Variants in DACH2 observed in about 807,000 individuals in gnomAD.
The protein encoded by DACH2 is dachshund homolog 2.
In DACH2, 17 loss-of-function variants were observed where a neutral mutation model predicts 35.8. The ratio of observed to expected loss-of-function variants is 0.48; its 90% CI spans 0.33 to 0.71. The LOEUF is 0.71. Ranked by LOEUF, DACH2 falls within the 30% of genes least tolerant of loss-of-function variation. The probability of loss-of-function intolerance (pLI) is 0.02; values close to 1 mark genes in which losing one functional copy is unlikely to be tolerated. For missense variants in DACH2, 469 were observed against 472.7 expected (o/e 0.99, Z 0.07); for synonymous variants, 195 against 177.3 (o/e 1.10, Z -0.79).
At chrX:86,315,518 A>G (rs1275138974) in intron 1 of DACH2, among the ~76,000 whole-genome samples, 1 of 111,472 alleles carries the variant, frequency 9.0e-6, no homozygotes, top group Non-Finnish European at 1.9e-5. Context: ...GCGGCCACAG[A>G]TAGTGATTCA....
At chrX:86,740,168 T>A (rs1338013648) in intron 7 of DACH2, among the ~76,000 whole-genome samples, 1 of 110,586 alleles carries the variant, frequency 9.0e-6, no homozygotes, top group Non-Finnish European at 1.9e-5. Context: ...CTATATGTGA[T>A]ACAATACGCC....
chrX:86,737,560 G>T (rs1219164067), intron 6 of DACH2, among the ~76,000 whole-genome samples: 1 of 111,351 alleles, frequency 9.0e-6, no homozygotes, highest in African/African-American at 3.3e-5. Flanking sequence ...CCGTATTAGT[G>T]TTCTATTGTT....
At chrX:86,491,706 T>A (rs2038095640) in intron 2 of DACH2, among the ~76,000 whole-genome samples, 1 of 111,651 alleles carries the variant, frequency 9.0e-6, no homozygotes, top group Admixed American at 9.6e-5. Context: ...GTTCTCAATG[T>A]TTAAGAAAGA....
At chrX:86,261,573 C>A (rs2033625828) in intron 1 of DACH2, among the ~76,000 whole-genome samples, 1 of 111,254 alleles carries the variant, frequency 9.0e-6, no homozygotes, top group African/African-American at 3.3e-5. Context: ...AAATTCACAG[C>A]AAAAAATGTA....
chrX:86,779,619 A>G (rs1208791250), intron 7 of DACH2, among the ~76,000 whole-genome samples: 5 of 111,525 alleles, frequency 4.5e-5, no homozygotes, highest in African/African-American at 9.8e-5. Flanking sequence ...GGCAGAAACA[A>G]TAGTCAAATT....
chrX:86,717,009 G>C (rs1218243712), intron 6 of DACH2, among the ~76,000 whole-genome samples: 1 of 111,992 alleles, frequency 8.9e-6, no homozygotes, highest in Non-Finnish European at 1.9e-5. Context: ...TTATGCTAAA[G>C]AGAAATGGAT....
intron 5 of DACH2, among the ~76,000 whole-genome samples, chrX:86,710,172 C>T (rs962005152): frequency 8.9e-6 from 1 of 112,199 alleles, no homozygotes; most frequent in African/African-American, 3.2e-5. Context: ...ACTATGGAAA[C>T]ATATTTAGCA....
intron 1 of DACH2, among the ~76,000 whole-genome samples, chrX:86,164,631 C>T (rs778474453): frequency 9.0e-6 from 1 of 111,483 alleles, no homozygotes; most frequent in South Asian, 3.8e-4. Context: ...GGAGGGGGTC[C>T]AGCTTCAGTC....
intron 1 of DACH2, among the ~76,000 whole-genome samples, chrX:86,286,532 A>C (rs1479521339): frequency 9.2e-6 from 1 of 109,237 alleles, no homozygotes; most frequent in Non-Finnish European, 1.9e-5. Context: ...CTCCTCCTTC[A>C]TTTTTTCCCT....
chrX:86,727,353 CA>C (rs1274044420), intron 6 of DACH2, among the ~76,000 whole-genome samples: 3 of 110,784 alleles, frequency 2.7e-5, no homozygotes, highest in Non-Finnish European at 3.8e-5. Flanking sequence ...AAAAAGGGTC[CA>C]AAAAATGTGT....
At chrX:86,242,864 C>T (rs1202288947) in intron 1 of DACH2, among the ~76,000 whole-genome samples, 1 of 111,473 alleles carries the variant, frequency 9.0e-6, no homozygotes, top group East Asian at 2.8e-4. Context: ...TCTCCTGCTC[C>T]ATTTTGGTAA....
chrX:86,813,713 C>A (rs774327476), intron 9 of DACH2, among the ~76,000 whole-genome samples: 85 of 109,649 alleles, frequency 7.8e-4, no homozygotes, highest in Non-Finnish European at 1.2e-3. Flanking sequence ...CCTTGGTCCC[C>A]TGGCCAACTA....
At chrX:86,294,443 C>T (rs1381566631) in intron 1 of DACH2, among the ~76,000 whole-genome samples, 1 of 110,867 alleles carries the variant, frequency 9.0e-6, no homozygotes, top group African/African-American at 3.3e-5. Context: ...CATTATCCAT[C>T]CAGCTTTGTT....
At chrX:86,575,279 A>G (rs1467081625) in intron 3 of DACH2, among the ~76,000 whole-genome samples, 1 of 111,119 alleles carries the variant, frequency 9.0e-6, no homozygotes, top group Non-Finnish European at 1.9e-5. Flanking sequence ...CAAAAAATCG[A>G]TCTGGCTTTC....
chrX:86,597,808 G>C (rs1039396876), intron 3 of DACH2, among the ~76,000 whole-genome samples: 11 of 111,630 alleles, frequency 9.9e-5, no homozygotes, highest in African/African-American at 2.9e-4. Context: ...TTCATTCCTT[G>C]AGGCTTTGCA....
At chrX:86,391,499 G>T (rs1433390959) in intron 2 of DACH2, among the ~76,000 whole-genome samples, 2 of 109,727 alleles carry the variant, frequency 1.8e-5, no homozygotes, top group African/African-American at 3.3e-5. Flanking sequence ...GACATAAGTG[G>T]AATATAACCA....
chrX:86,768,005 T>C (rs912150416), intron 7 of DACH2, among the ~76,000 whole-genome samples: 22 of 111,659 alleles, frequency 2.0e-4, no homozygotes, highest in African/African-American at 6.8e-4. Context: ...GGCTTGTAGA[T>C]GAAATGCCAG....
chrX:86,623,624 G>A (rs187994391), intron 3 of DACH2, among the ~76,000 whole-genome samples: 1 of 111,873 alleles, frequency 8.9e-6, no homozygotes, highest in Admixed American at 9.5e-5. Context: ...TGAGCAATGT[G>A]AAGATACTCC....
At chrX:86,331,278 A>G (rs2035208040) in intron 1 of DACH2, among the ~76,000 whole-genome samples, 1 of 111,053 alleles carries the variant, frequency 9.0e-6, no homozygotes, top group Non-Finnish European at 1.9e-5. Flanking sequence ...CAGTAAATGC[A>G]GGTTCCCATT....
Sources: gnomAD v4.1 joint callset for allele counts (sites outside exome capture counted in the v4.1 genomes callset) on GRCh38, gnomAD v4.1.1 for gene constraint, MANE v1.5 for transcripts, NCBI Gene and HGNC (gene_info 2026-07-23, HGNC 2026-07-21) for gene names.